Variants in PLCB1 observed in about 807,000 individuals in gnomAD.
PLCB1 encodes the protein 1-phosphatidylinositol 4,5-bisphosphate phosphodiesterase beta-1.
In PLCB1, 46 loss-of-function variants were observed where a neutral mutation model predicts 161.8. That is an observed-to-expected ratio of 0.28 (90% confidence interval 0.22 to 0.36). The LOEUF (loss-of-function observed/expected upper bound fraction) is 0.36. Ranked by LOEUF, PLCB1 falls within the 10% of genes least tolerant of loss-of-function variation. The probability of loss-of-function intolerance (pLI) is 1.00; values close to 1 mark genes in which losing one functional copy is unlikely to be tolerated. For missense variants in PLCB1, 1,016 were observed against 1,472.5 expected, an observed-to-expected ratio of 0.69 and a Z score of 5.07; for synonymous variants, 517 against 503.7, an observed-to-expected ratio of 1.03 and a Z score of -0.35.
At chr20:8,154,350 A>G (rs943342305) in intron 2 of PLCB1, among the ~76,000 whole-genome samples, 3 of 152,198 alleles carry the variant, frequency 2.0e-5, no homozygotes, top group Non-Finnish European at 4.4e-5. Context: ...TTAAGAATAC[A>G]GAAGTTCTCA....
Position 8,530,492 on chromosome 20 carries a change from A to G in PLCB1, c.247-97802A>G, listed in dbSNP as rs554518098. ...ATGTTTTTGTATCTATAAAAAAAGG[A>G]GTATTCCTTGTAACTTTTTGATTAT... On this transcript the variant is annotated intron_variant, in intron 3 of 31. Coordinates refer to ENST00000338037, the MANE Select transcript of PLCB1 (RefSeq NM_015192.4). Among the ~76,000 whole-genome samples, 3 of 152,216 alleles carry G rather than the reference A, an allele frequency of 2.0e-5. No homozygotes were observed. The South Asian group carries it at 6.2e-4, about 32-fold the overall frequency.
intron 1 of PLCB1, among the ~76,000 whole-genome samples, chr20:8,143,491 A>T (rs2051423912): frequency 6.6e-6 from 1 of 152,216 alleles, no homozygotes; most frequent in Non-Finnish European, 1.5e-5. Flanking sequence ...TAATGATTTC[A>T]TGCCTGCCCT....
At chr20:8,299,796 G>C (rs1983813477) in intron 2 of PLCB1, among the ~76,000 whole-genome samples, 1 of 152,098 alleles carries the variant, frequency 6.6e-6, no homozygotes, top group African/African-American at 2.4e-5. Context: ...ACGTCCTGTT[G>C]ATTTAATGTC....
rs144485919 is a variant in PLCB1 at position 8,801,981 on chromosome 20, A to C, written c.3423+11720A>C. On this transcript the variant is annotated intron_variant, in intron 31 of 31. Coordinates refer to ENST00000338037, the MANE Select transcript of PLCB1 (RefSeq NM_015192.4). ...ACTCCAAGAGACGTCCCAGACAAAT[A>C]ATTGGAAACACCAGATGACTTAGAA... The C allele has an allele frequency of 1.2e-4, 104 of 901,904 alleles. No homozygotes were observed. The East Asian group carries it at 2.4e-3, about 21-fold the overall frequency. The allele number at this position is 901,904 out of a possible 1,614,324, so 55.9% of individuals were successfully genotyped here.
chr20:8,717,936 A>T (rs908691252), intron 14 of PLCB1, 88 bp downstream of exon 14: 7 of 1,162,178 alleles, frequency 6.0e-6, no homozygotes, highest in Non-Finnish European at 8.1e-6. Flanking sequence ...CATGCCTGTA[A>T]TACTACTACT....
At chr20:8,189,049 C>T (rs1253496021) in intron 2 of PLCB1, among the ~76,000 whole-genome samples, 5 of 151,988 alleles carry the variant, frequency 3.3e-5, no homozygotes, top group Admixed American at 2.0e-4. Flanking sequence ...CTATCCTGCT[C>T]CTGATAACCA....
At chr20:8,436,820 C>T (rs1980333665) in intron 3 of PLCB1, among the ~76,000 whole-genome samples, 1 of 152,106 alleles carries the variant, frequency 6.6e-6, no homozygotes, top group South Asian at 2.1e-4. Context: ...AACAGAGTCT[C>T]ACTCTGTTGC....
chr20:8,668,797 G>A (rs1261374317), intron 9 of PLCB1, among the ~76,000 whole-genome samples: 1 of 152,168 alleles, frequency 6.6e-6, no homozygotes, highest in Non-Finnish European at 1.5e-5. Context: ...TGGAGCACCA[G>A]TACAGTCTGC....
chr20:8,849,842 A>G (rs1389121436), intron 31 of PLCB1, among the ~76,000 whole-genome samples: 2 of 151,738 alleles, frequency 1.3e-5, no homozygotes, highest in Non-Finnish European at 2.9e-5. Flanking sequence ...GTGAAACCTC[A>G]TATCTACTAA....
intron 2 of PLCB1, among the ~76,000 whole-genome samples, chr20:8,190,623 T>A (rs6055621): frequency 0.28 from 42,363 of 151,808 alleles, 7,203 homozygotes; most frequent in African/African-American, 0.48. Flanking sequence ...GGAAGTCCAC[T>A]GGCAACTTCT....
At chr20:8,847,225 A>G (rs780049060) in intron 31 of PLCB1, among the ~76,000 whole-genome samples, 3 of 152,056 alleles carry the variant, frequency 2.0e-5, no homozygotes, top group Non-Finnish European at 4.4e-5. Context: ...ACCACTTCCT[A>G]ATATTTGCAG....
intron 2 of PLCB1, among the ~76,000 whole-genome samples, chr20:8,187,693 T>G (rs2051920322): frequency 6.6e-6 from 1 of 152,182 alleles, no homozygotes; most frequent in Non-Finnish European, 1.5e-5. Context: ...TTTTTCCTTC[T>G]GCTTCTCACA....
At chr20:8,403,863 T>A (rs1030068102) in intron 3 of PLCB1, among the ~76,000 whole-genome samples, 1 of 152,214 alleles carries the variant, frequency 6.6e-6, no homozygotes, top group Non-Finnish European at 1.5e-5. Flanking sequence ...ACTAACCATA[T>A]GGGAATGGTT....
intron 3 of PLCB1, among the ~76,000 whole-genome samples, chr20:8,527,103 G>T (rs1438672268): frequency 6.6e-6 from 1 of 152,066 alleles, no homozygotes; most frequent in Non-Finnish European, 1.5e-5. Context: ...GCATTCTTCA[G>T]CCATACTAGC....
chr20:8,523,492 C>CTA (rs1273305505), intron 3 of PLCB1, among the ~76,000 whole-genome samples: 28 of 61,856 alleles, frequency 4.5e-4, no homozygotes, highest in African/African-American at 1.2e-3. Context: ...CTCTCTCTCT[C>CTA]TCTCTATATA....
rs1171393851 is a variant in PLCB1, at chr20:8,132,441, C to G, written c.-211C>G. 1 of 313,942 alleles carries G rather than the reference C, an allele frequency of 3.2e-6. No homozygotes were observed. The highest frequency in any genetic ancestry group is 2.2e-5 in the African/African-American group (1 of 45,562). 19.4% of individuals were successfully genotyped at this position (313,942 alleles called of 1,614,324 possible). ...TCCAGACCTCGCGTCCCGCCCGGGGCATGGCCGGGCGCTGCGCCCCCGCGC... is the reference window on the plus strand; with the variant it reads ...TCCAGACCTCGCGTCCCGCCCGGGGGATGGCCGGGCGCTGCGCCCCCGCGC... On this transcript the variant is annotated 5_prime_UTR_variant, in exon 1 of 32. Coordinates refer to ENST00000338037, the MANE Select transcript of PLCB1 (RefSeq NM_015192.4). This position sits in a 1 kb window ranked among gnomAD's most constrained non-coding sequence, Gnocchi z 5.2.
In PLCB1 at chr20:8,676,415, G is replaced by GAAGA. The variant is rs200634850; in HGVS notation, c.863-8500_863-8497dup. 5.7e-3 allele frequency among the ~76,000 whole-genome samples: 831 copies of GAAGA among 144,592 alleles called. 30 individuals carry two copies. The East Asian group carries it at 0.11, about 18-fold the overall frequency. 94.9% of individuals were successfully genotyped at this position (144,592 alleles called of 152,430 possible). ...AGACAAAGAAAGAAAGAAAGAAAGA[G>GAAGA]AAGAAAGAAAGAAAGAAAGAGAGAA... On this transcript the variant is annotated intron_variant, in intron 9 of 31. Coordinates refer to ENST00000338037, the MANE Select transcript of PLCB1 (RefSeq NM_015192.4).
intron 2 of PLCB1, among the ~76,000 whole-genome samples, chr20:8,264,066 A>G (rs1046464385): frequency 1.3e-5 from 2 of 152,228 alleles, no homozygotes; most frequent in East Asian, 3.8e-4. Flanking sequence ...CTTGAAACAC[A>G]AACACATTGT....
chr20:8,244,432 AATATGG>A (rs1980772444), intron 2 of PLCB1, among the ~76,000 whole-genome samples: 1 of 152,012 alleles, frequency 6.6e-6, no homozygotes. Flanking sequence ...TCCATGCTAC[AATATGG>A]ATAAAATTTC....
Sources: allele counts gnomAD v4.1 joint callset (sites outside exome capture counted in the v4.1 genomes callset), GRCh38; gene constraint gnomAD v4.1.1; non-coding constraint Gnocchi (gnomAD v3.1); transcripts MANE v1.5; gene names NCBI Gene and HGNC (gene_info 2026-07-23, HGNC 2026-07-21).